The following TMEM221 variants were observed in gnomAD, a reference collection of about 807,000 sequenced individuals.
The protein encoded by TMEM221 is transmembrane protein 221, also known as Putative transmembrane protein ENSP00000342162.
In TMEM221, 11 loss-of-function variants were observed where a neutral mutation model predicts 10.2. The observed-to-expected ratio is 1.08, with a 90% confidence interval of 0.68 to 1.79. The LOEUF is 1.79. TMEM221 is among the 40% of genes most tolerant of loss of function. The probability of loss-of-function intolerance (pLI) is 0.00; values close to 1 mark genes in which losing one functional copy is unlikely to be tolerated. For missense variants in TMEM221, 382 were observed against 417.7 expected, an observed-to-expected ratio of 0.91 and a Z score of 0.75; for synonymous variants, 172 against 199.8, an observed-to-expected ratio of 0.86 and a Z score of 1.18.
At chr19:17,444,044 C>A in intron 2 of TMEM221, among the ~76,000 whole-genome samples, 2 of 133,452 alleles carry the variant, frequency 1.5e-5, no homozygotes, top group South Asian at 2.6e-4. Flanking sequence ...AAACAGCTTT[C>A]ACTCATTCCA....
chr19:17,439,519 C>G (rs1162005219), intron 2 of TMEM221, among the ~76,000 whole-genome samples: 1 of 151,796 alleles, frequency 6.6e-6, no homozygotes, highest in Non-Finnish European at 1.5e-5. Flanking sequence ...GAAACCCTGT[C>G]TCTACCAAAA....
At chr19:17,438,834 G>A (rs1222249379) in intron 2 of TMEM221, among the ~76,000 whole-genome samples, 1 of 150,718 alleles carries the variant, frequency 6.6e-6, no homozygotes, top group Non-Finnish European at 1.5e-5. Flanking sequence ...CTGACCTCAG[G>A]TGATCCACCT....
chr19:17,446,394 GA>G (rs2074953422), intron 1 of TMEM221, among the ~76,000 whole-genome samples: 1 of 152,186 alleles, frequency 6.6e-6, no homozygotes, highest in Admixed American at 6.6e-5. Context: ...GAGAGATGAG[GA>G]AACTGAGTTT....
chr19:17,439,414 G>A (rs904861223), intron 2 of TMEM221, among the ~76,000 whole-genome samples: 28 of 151,684 alleles, frequency 1.8e-4, no homozygotes, highest in African/African-American at 2.7e-4. Context: ...CTGGCCGGGC[G>A]CAGTGGCTCA....
At position 17,436,944 on chromosome 19, in the gene TMEM221, C is replaced by T; in HGVS notation, c.407-17G>A. On this transcript the variant is annotated splice_polypyrimidine_tract_variant and intron_variant, in intron 2 of 2. Coordinates refer to ENST00000341130, the MANE Select transcript of TMEM221 (RefSeq NM_001190844.2). ...TGGACAGTGCTAGGGAAGGAAACGA[C>T]TCTCATTTATTCAGTCAACAAACAT... 1.4e-6 allele frequency: 2 copies of T among 1,391,406 alleles called. No individual in the cohort carries two copies. Among genetic ancestry groups the T allele is most frequent in the Non-Finnish European group, 1.9e-6 (2 of 1,074,362 alleles). The allele number at this position is 1,391,406 out of a possible 1,614,324, so 86.2% of individuals were successfully genotyped here.
At chr19:17,444,464 TG>T (rs2074944312) in intron 2 of TMEM221, among the ~76,000 whole-genome samples, 1 of 150,090 alleles carries the variant, frequency 6.7e-6, no homozygotes, top group Non-Finnish European at 1.5e-5. Context: ...AGAAGTGTTC[TG>T]ATGACAGCTA....
intron 2 of TMEM221, among the ~76,000 whole-genome samples, chr19:17,441,926 T>G (rs1439455442): frequency 6.6e-6 from 1 of 152,114 alleles, no homozygotes; most frequent in African/African-American, 2.4e-5. Flanking sequence ...TTGGATGTGC[T>G]TGGGAATTCT....
chr19:17,436,623 T>A lies in TMEM221; in HGVS notation c.711A>T (p.Thr237=), dbSNP rs759322892. ...GDPFGSMATA[T]APAALEGGWE... ...AGCCTCCCTCCAGGGCTGCAGGTGC[T>A]GTGGCAGTGGCCATGGACCCAAAGG... The change falls in exon 3 of 3, where the codon ACA becomes ACT. Residue 237 remains threonine (T), a synonymous_variant. Transcript: ENST00000341130. 6.5e-7 allele frequency: 1 copy of A among 1,536,122 alleles called. No homozygotes were observed. The highest frequency in any genetic ancestry group is 8.7e-7 in the Non-Finnish European group (1 of 1,146,882).
At chr19:17,444,071 CTTTTTTTTTTTTTT>C (rs67270566) in intron 2 of TMEM221, among the ~76,000 whole-genome samples, 1 of 56,284 alleles carries the variant, frequency 1.8e-5, no homozygotes, top group Non-Finnish European at 3.2e-5. Context: ...AAAATGCTAT[CTTTTTTTTTTTTTT>C]TTTTTTTTTT....
chr19:17,440,624 G>A (rs1398672734), intron 2 of TMEM221, among the ~76,000 whole-genome samples: 2 of 152,288 alleles, frequency 1.3e-5, no homozygotes, highest in African/African-American at 4.8e-5. Context: ...ACATGGATTG[G>A]GAGACTGAGG....
chr19:17,444,592 G>A (rs1370340988), intron 2 of TMEM221, among the ~76,000 whole-genome samples: 2 of 140,990 alleles, frequency 1.4e-5, no homozygotes, highest in Non-Finnish European at 3.0e-5. Context: ...GCAGTGGGGT[G>A]ATCATGGCTC....
intron 1 of TMEM221, among the ~76,000 whole-genome samples, chr19:17,447,514 C>T (rs1218920709): frequency 6.6e-6 from 1 of 152,126 alleles, no homozygotes; most frequent in Non-Finnish European, 1.5e-5. Flanking sequence ...TAGGATCTAC[C>T]TCAATGGTGG....
intron 1 of TMEM221, among the ~76,000 whole-genome samples, chr19:17,447,707 A>G (rs1300988644): frequency 1.3e-5 from 2 of 152,164 alleles, no homozygotes; most frequent in African/African-American, 4.8e-5. Flanking sequence ...GACTGAGTTC[A>G]GGTCCCTGAG....
chr19:17,447,911 G>A (rs1340054765), intron 1 of TMEM221, among the ~76,000 whole-genome samples: 2 of 152,182 alleles, frequency 1.3e-5, no homozygotes, highest in Admixed American at 1.3e-4. Context: ...TGCAAAATGC[G>A]AGACACAGCA....
At chr19:17,445,558 C>T (rs1389777309) in intron 1 of TMEM221, among the ~76,000 whole-genome samples, 2 of 152,154 alleles carry the variant, frequency 1.3e-5, no homozygotes, top group East Asian at 3.8e-4. Flanking sequence ...ATCCATTCAT[C>T]CATTCATCCA....
intron 2 of TMEM221, 56 bp from the exon 3 acceptor site, chr19:17,436,983 C>G: frequency 7.7e-7 from 1 of 1,301,376 alleles, no homozygotes; most frequent in Non-Finnish European, 9.9e-7. Context: ...CCCTCCAAGC[C>G]CTCAGGGAGT....
intron 2 of TMEM221, among the ~76,000 whole-genome samples, chr19:17,439,067 C>T (rs759172060): frequency 7.2e-5 from 11 of 151,772 alleles, no homozygotes; most frequent in Admixed American, 5.3e-4. Flanking sequence ...ATTAGCCGAT[C>T]GTGGTGGCGG....
intron 2 of TMEM221, among the ~76,000 whole-genome samples, chr19:17,437,365 C>A (rs1321833579): frequency 6.6e-6 from 1 of 152,204 alleles, no homozygotes; most frequent in East Asian, 1.9e-4. Flanking sequence ...ATGACAGCTG[C>A]AGGGACATGG....
intron 2 of TMEM221, among the ~76,000 whole-genome samples, 169 bp from the exon 3 acceptor site, chr19:17,437,096 C>T (rs2074912855): frequency 6.6e-6 from 1 of 152,200 alleles, no homozygotes; most frequent in African/African-American, 2.4e-5. Context: ...TCATCACATC[C>T]ATTTTACAGA....
Sources: gnomAD v4.1 joint callset for allele counts (sites outside exome capture counted in the v4.1 genomes callset) on GRCh38, gnomAD v4.1.1 for gene constraint, MANE v1.5 for transcripts, NCBI Gene and HGNC (gene_info 2026-07-23, HGNC 2026-07-21) for gene names.